The following PVT1 variants were observed in gnomAD, a reference collection of about 807,000 sequenced individuals.
The protein encoded by PVT1 is Pvt1 oncogene, also known as CXCR4/PVT1 fusion.
At chr8:127,906,571 C>A (rs1815823769) in intron 3 of PVT1, among the ~76,000 whole-genome samples, 1 of 152,130 alleles carries the variant, frequency 6.6e-6, no homozygotes, top group African/African-American at 2.4e-5. Flanking sequence ...TTAAAGGACA[C>A]ATCTGATGTC....
rs554075506 is a variant in PVT1, at chr8:128,046,611, C to A, written n.913-23549C>A. ...GAGCCTACACAGCCCCCCATCGCAT[C>A]TGGAGGGAGAAGCCCAGCTCCTTAG... On this transcript the variant is annotated intron_variant and non_coding_transcript_variant, in intron 4 of 10. Coordinates refer to ENST00000651587, the Ensembl canonical transcript of PVT1. 3.3e-5 allele frequency among the ~76,000 whole-genome samples: 5 copies of A among 152,226 alleles called. No homozygotes were observed. In the East Asian group the frequency reaches 9.6e-4, roughly 29 times the overall value.
intron 2 of PVT1, among the ~76,000 whole-genome samples, chr8:127,843,335 ACT>A (rs1479034528): frequency 1.3e-5 from 2 of 152,102 alleles, no homozygotes; most frequent in Non-Finnish European, 2.9e-5. Context: ...ACAGAGCGAG[ACT>A]CTGTCTCAAA....
intron 3 of PVT1, among the ~76,000 whole-genome samples, chr8:127,957,730 G>T (rs927337652): frequency 2.6e-5 from 4 of 152,212 alleles, no homozygotes; most frequent in Non-Finnish European, 4.4e-5. Context: ...TCCTGGGAGC[G>T]AGTGTTTCTC....
At chr8:128,057,184 C>T (rs2130115120) in intron 4 of PVT1, among the ~76,000 whole-genome samples, 1 of 152,260 alleles carries the variant, frequency 6.6e-6, no homozygotes, top group South Asian at 2.1e-4. Flanking sequence ...TTGTAACTTC[C>T]CCGAGGCCTT....
At chr8:128,008,704 AGAATACACAAGTGTTTTTAT>A (rs1817276042) in intron 4 of PVT1, among the ~76,000 whole-genome samples, 1 of 152,238 alleles carries the variant, frequency 6.6e-6, no homozygotes, top group African/African-American at 2.4e-5. Flanking sequence ...TAATAAAAAG[AGAATACACAAGTGTTTTTAT>A]CAATCCCTGA....
chr8:127,808,871 A>C (rs185497748), intron 2 of PVT1, among the ~76,000 whole-genome samples: 1 of 151,890 alleles, frequency 6.6e-6, no homozygotes, highest in African/African-American at 2.4e-5. Context: ...CTCTACTAAA[A>C]ATACAAAAAT....
intron 4 of PVT1, among the ~76,000 whole-genome samples, chr8:128,024,819 T>A (rs79230602): frequency 6.6e-6 from 1 of 152,094 alleles, no homozygotes; most frequent in African/African-American, 2.4e-5. Context: ...GGAAGAGGCC[T>A]GAGGGCTGGC....
chr8:127,884,051 G>A (rs1279834997), intron 2 of PVT1, among the ~76,000 whole-genome samples: 1 of 152,224 alleles, frequency 6.6e-6, no homozygotes, highest in Non-Finnish European at 1.5e-5. Context: ...CATGTCATAT[G>A]TGTATCGATA....
chr8:127,868,808 T>TATATATACATATATATGTAC lies in PVT1; in HGVS notation n.373-21774_373-21773insCATATATATGTACATATATA, dbSNP rs1815320219. The stretch of plus-strand genomic sequence containing the variant: ...ATATATATATACATATATATGTACA[T>TATATATACATATATATGTAC]ATATATATATATGTATGTATTATCT... On this transcript the variant is annotated intron_variant and non_coding_transcript_variant, in intron 2 of 10. Coordinates refer to ENST00000651587, the Ensembl canonical transcript of PVT1. Among the ~76,000 whole-genome samples the TATATATACATATATATGTAC allele has an allele frequency of 1.1e-4, 12 of 110,464 alleles. 1 individual carries two copies. Among genetic ancestry groups the TATATATACATATATATGTAC allele is most frequent in the African/African-American group, 3.3e-4 (9 of 27,212 alleles). The allele number at this position is 110,464 out of a possible 152,430, so 72.5% of individuals were successfully genotyped here.
intron 3 of PVT1, among the ~76,000 whole-genome samples, chr8:127,984,978 C>CCTTT (rs201808732): frequency 0.023 from 2,927 of 127,708 alleles, 427 homozygotes; most frequent in African/African-American, 0.1. Context: ...CTCCTTCCTT[C>CCTTT]CTTTCTTTCT....
At chr8:127,989,631 G>T (rs941722653) in intron 4 of PVT1, among the ~76,000 whole-genome samples, 2 of 152,114 alleles carry the variant, frequency 1.3e-5, no homozygotes, top group African/African-American at 4.8e-5. Flanking sequence ...AAGAGGAAAA[G>T]GTGAGGTGAG....
chr8:127,903,738 T>C (rs1164472041), intron 3 of PVT1, among the ~76,000 whole-genome samples: 1 of 152,240 alleles, frequency 6.6e-6, no homozygotes, highest in Non-Finnish European at 1.5e-5. Context: ...TGGTTGTAGA[T>C]AAGTGGCTTT....
intron 2 of PVT1, among the ~76,000 whole-genome samples, chr8:127,819,468 G>A (rs1440870743): frequency 1.3e-5 from 2 of 152,172 alleles, no homozygotes; most frequent in Non-Finnish European, 2.9e-5. Flanking sequence ...GAGAAACTGA[G>A]GCAGAGAGAT....
chr8:128,098,973 G>T (rs1013675488), intron 6 of PVT1, among the ~76,000 whole-genome samples: 1 of 152,146 alleles, frequency 6.6e-6, no homozygotes, highest in African/African-American at 2.4e-5. Context: ...CAGCTTTTCT[G>T]GACTTTTCCC....
intron 2 of PVT1, among the ~76,000 whole-genome samples, chr8:127,866,577 T>G (rs1586413287): frequency 6.6e-6 from 1 of 151,592 alleles, no homozygotes; most frequent in Non-Finnish European, 1.5e-5. Flanking sequence ...GTGGGCTGGG[T>G]GAGCATGGGG....
chr8:128,028,706 G>T (rs1288528916), intron 4 of PVT1, among the ~76,000 whole-genome samples: 2 of 152,218 alleles, frequency 1.3e-5, no homozygotes, highest in Non-Finnish European at 2.9e-5. Context: ...CACATTGCAA[G>T]CTAAGTCTTC....
chr8:127,809,133 C>A (rs183787233), intron 2 of PVT1, among the ~76,000 whole-genome samples: 8 of 151,464 alleles, frequency 5.3e-5, no homozygotes, highest in African/African-American at 1.9e-4. Context: ...AGAGACCTTC[C>A]AAACTGTGCT....
chr8:127,971,334 C>T (rs1056330549), intron 3 of PVT1, among the ~76,000 whole-genome samples: 20 of 152,242 alleles, frequency 1.3e-4, no homozygotes, highest in African/African-American at 4.8e-4. Context: ...TGCTCCTCTG[C>T]CTCCATCCCC....
At chr8:127,834,971 A>G (rs951992741) in intron 2 of PVT1, among the ~76,000 whole-genome samples, 4 of 152,218 alleles carry the variant, frequency 2.6e-5, no homozygotes, top group African/African-American at 9.6e-5. Context: ...GATGTGGAGA[A>G]ATAGGGACGC....
Sources: gnomAD v4.1 joint callset for allele counts (sites outside exome capture counted in the v4.1 genomes callset) on GRCh38, gnomAD v4.1.1 for gene constraint, MANE v1.5 for transcripts, NCBI Gene and HGNC (gene_info 2026-07-23, HGNC 2026-07-21) for gene names.